The following CA5A variants were observed in gnomAD, a reference collection of about 807,000 sequenced individuals.
CA5A encodes the protein carbonic anhydrase 5A, mitochondrial.
CA5A carries 28 observed loss-of-function variants against 37.1 expected under a neutral mutation model. The ratio of observed to expected loss-of-function variants is 0.75; its 90% CI spans 0.56 to 1.03. CA5A has a LOEUF of 1.03. Ranked by LOEUF, CA5A falls within the 50% of genes least tolerant of loss-of-function variation. The pLI is 0.00. For synonymous variants in CA5A, 171 were observed against 158.4 expected (o/e 1.08, Z -0.60); for missense variants, 444 against 399.9 (o/e 1.11, Z -0.94).
chr16:87,935,449 C>G lies in CA5A; in HGVS notation c.142+860G>C, dbSNP rs1343709165. Among the ~76,000 whole-genome samples the G allele has an allele frequency of 1.1e-4, 17 of 152,306 alleles. 1 individual carries two copies. The East Asian group carries it at 2.9e-3, about 26-fold the overall frequency. ...GACTGGTTAGTGCAGCCCATTCCGC[C>G]GGGTCTGGATGGTGAGTCGTGCCAG... On this transcript the variant is annotated intron_variant, in intron 1 of 6. Transcript: ENST00000649794.
intron 1 of CA5A, among the ~76,000 whole-genome samples, chr16:87,930,506 A>G (rs140148272): frequency 2.5e-3 from 374 of 152,202 alleles, no homozygotes; most frequent in Admixed American, 4.9e-3. Context: ...AATCCCATCA[A>G]CATCAGACCC....
At chr16:87,920,931 T>C (rs1466630640) in intron 2 of CA5A, among the ~76,000 whole-genome samples, 1 of 152,224 alleles carries the variant, frequency 6.6e-6, no homozygotes, top group Non-Finnish European at 1.5e-5. Context: ...GTAGTTGGGA[T>C]TACAGGCATG....
intron 4 of CA5A, chr16:87,882,693 G>C (rs975935578): frequency 6.6e-5 from 10 of 152,424 alleles, no homozygotes; most frequent in East Asian, 5.8e-4. Context: ...CCTGGTTCAG[G>C]AGCGGGCGAG....
intron 2 of CA5A, among the ~76,000 whole-genome samples, chr16:87,909,018 A>T (rs1597563462): frequency 6.9e-6 from 1 of 144,468 alleles, no homozygotes; most frequent in African/African-American, 2.7e-5. Context: ...TTTTTAGTAG[A>T]GACGGGGTTT....
chr16:87,922,339 G>C (rs2056242144), intron 2 of CA5A, among the ~76,000 whole-genome samples: 1 of 152,174 alleles, frequency 6.6e-6, no homozygotes, highest in Non-Finnish European at 1.5e-5. Context: ...CAGGCACGCA[G>C]GTTGAGATTC....
At chr16:87,929,871 CAAAAA>C (rs58941982) in intron 1 of CA5A, among the ~76,000 whole-genome samples, 6 of 62,368 alleles carry the variant, frequency 9.6e-5, no homozygotes, top group East Asian at 5.8e-4. Flanking sequence ...GACTCCGTCT[CAAAAA>C]AAAAAAAAAA....
At chr16:87,899,217 G>T (rs1240514305) in intron 5 of CA5A, among the ~76,000 whole-genome samples, 2 of 148,288 alleles carry the variant, frequency 1.3e-5, no homozygotes, top group African/African-American at 4.9e-5. Flanking sequence ...CGAGAGAGTT[G>T]TTCAAGTCTC....
chr16:87,917,611 A>G (rs1281773194), intron 2 of CA5A, among the ~76,000 whole-genome samples: 2 of 150,666 alleles, frequency 1.3e-5, no homozygotes, highest in Admixed American at 1.3e-4. Context: ...CACACCACAC[A>G]TGTGCACACA....
Position 87,936,413 on chromosome 16 carries a change from G to A in CA5A, c.38C>T (p.Ser13Phe), listed in dbSNP as rs200005306. Residue 13 changes from serine (S) to phenylalanine (F), a missense_variant, in exon 1 of 7, where the codon TCC (serine) becomes TTC (phenylalanine). Coordinates refer to ENST00000649794, the MANE Select transcript of CA5A (RefSeq NM_001739.2). The stretch of plus-strand genomic sequence containing the variant: ...GGCCCACATCTGCTCAACCAAGAAG[G>A]AGAAAGCTGAGGTCTTCCAAGTGTT... ...GRNTWKTSAFSFLVEQMWAPL... is the reference protein window; with the variant it reads ...GRNTWKTSAFFFLVEQMWAPL... The A allele has an allele frequency of 1.5e-4, 249 of 1,614,050 alleles. 2 individuals are homozygous for A. The South Asian group carries it at 1.6e-3, about 10-fold the overall frequency.
intron 2 of CA5A, among the ~76,000 whole-genome samples, chr16:87,919,485 G>A (rs963835653): frequency 2.6e-5 from 4 of 152,184 alleles, no homozygotes; most frequent in South Asian, 2.1e-4. Context: ...CCACAGCCTC[G>A]GGCGGCCACC....
Position 87,925,184 on chromosome 16 carries a change from G to A in CA5A, c.340+1564C>T, listed in dbSNP as rs560664870. On this transcript the variant is annotated intron_variant, in intron 2 of 6. Transcript: ENST00000649794. ...GGAGAGGATGTGGAGCTGTGGCTGC[G>A]GCTGCTTTGGGGCCCCCAGGTTTGA... 6.6e-5 allele frequency among the ~76,000 whole-genome samples: 10 copies of A among 152,294 alleles called. No individual in the cohort carries two copies. The East Asian group carries it at 1.2e-3, about 18-fold the overall frequency.
chr16:87,895,914 C>G (rs1212427052), intron 5 of CA5A, among the ~76,000 whole-genome samples: 2 of 152,184 alleles, frequency 1.3e-5, no homozygotes, highest in Admixed American at 6.6e-5. Context: ...CACGCTCTAG[C>G]TGGGCTGTGA....
Position 87,888,197 on chromosome 16 carries a change from G to A in CA5A, c.850C>T (p.Leu284Phe). ...ACCTTCCGGTTCATCAAGGGTTGAA[G>A]TGGGCGATAGTTGTTCACCATCATC... ...EKMMVNNYRP[L>F]QPLMNRKVWA... The change falls in exon 7 of 7, where the codon CTT becomes TTT. Residue 284 changes from leucine to phenylalanine, a missense_variant. Coordinates refer to ENST00000649794, the MANE Select transcript of CA5A (RefSeq NM_001739.2). The A allele has an allele frequency of 1.2e-6, 2 of 1,613,854 alleles. No homozygotes were observed. The highest frequency in any genetic ancestry group is 2.2e-5 in the East Asian group (1 of 44,898).
chr16:87,894,167 C>T (rs368545716), intron 5 of CA5A, among the ~76,000 whole-genome samples: 6 of 151,998 alleles, frequency 3.9e-5, no homozygotes, highest in African/African-American at 1.2e-4. Context: ...CTCACTCTGT[C>T]TTCCAGGCTG....
intron 2 of CA5A, among the ~76,000 whole-genome samples, chr16:87,916,794 A>G (rs537177551): frequency 1.3e-5 from 2 of 152,252 alleles, no homozygotes; most frequent in Admixed American, 6.5e-5. Context: ...GCGTCTGGGA[A>G]GCTGGACGAT....
intron 2 of CA5A, among the ~76,000 whole-genome samples, chr16:87,909,469 T>C (rs1158799482): frequency 1.3e-5 from 2 of 152,324 alleles, no homozygotes; most frequent in African/African-American, 4.8e-5. Flanking sequence ...AAAGGAAGGC[T>C]GGGCCGCTGC....
intron 1 of CA5A, among the ~76,000 whole-genome samples, chr16:87,928,751 CTTTTCTTTGTTTTTT>C (rs1567537791): frequency 7.5e-5 from 8 of 107,272 alleles, no homozygotes; most frequent in African/African-American, 2.5e-4. Flanking sequence ...GGATTATTTT[CTTTTCTTTGTTTTTT>C]TTTTTTTTTT....
At position 87,904,807 on chromosome 16, in the gene CA5A, G is replaced by A. The variant is rs143279008; in HGVS notation, c.438C>T (p.Asp146=). The A allele has an allele frequency of 2.8e-5, 45 of 1,608,698 alleles. No individual in the cohort carries two copies. The highest frequency in any genetic ancestry group is 5.5e-5 in the South Asian group (5 of 90,928). The stretch of plus-strand genomic sequence containing the variant: ...AAACCTCTGCGGGGTACGCGTGGCC[G>A]TCCACTGTGTGCTCTGAGCCCCCCT... The part of the protein sequence containing the change: ...VNEGGSEHTV[D]GHAYPAELHL... The change falls in exon 3 of 7, where the codon GAC becomes GAT. Residue 146 remains aspartate, a synonymous_variant. Coordinates refer to ENST00000649794, the MANE Select transcript of CA5A (RefSeq NM_001739.2).
At chr16:87,927,406 G>A (rs868790748) in intron 1 of CA5A, among the ~76,000 whole-genome samples, 2 of 152,200 alleles carry the variant, frequency 1.3e-5, no homozygotes, top group Admixed American at 6.5e-5. Context: ...TGTGGAAACT[G>A]GAGCTGCTTT....
Sources: allele counts gnomAD v4.1 joint callset (sites outside exome capture counted in the v4.1 genomes callset), GRCh38; gene constraint gnomAD v4.1.1; transcripts MANE v1.5; gene names NCBI Gene and HGNC (gene_info 2026-07-23, HGNC 2026-07-21).